MUSK: variants seen among roughly 807,000 people sequenced by gnomAD.
The protein encoded by MUSK is muscle associated receptor tyrosine kinase.
In MUSK, 55 loss-of-function variants were observed where a neutral mutation model predicts 88.7. The ratio of observed to expected loss-of-function variants is 0.62; its 90% CI spans 0.50 to 0.78. MUSK has a LOEUF of 0.78. Ranked by LOEUF, MUSK falls within the 30% of genes least tolerant of loss-of-function variation. The probability of loss-of-function intolerance (pLI) is 0.00; values close to 1 mark genes in which losing one functional copy is unlikely to be tolerated. For missense variants in MUSK, 1,015 were observed against 1,074.3 expected, an observed-to-expected ratio of 0.94 and a Z score of 0.77; for synonymous variants, 387 against 391.9, an observed-to-expected ratio of 0.99 and a Z score of 0.15.
At chr9:110,702,908 TA>T (rs201458336) in intron 5 of MUSK, among the ~76,000 whole-genome samples, 2 of 147,622 alleles carry the variant, frequency 1.4e-5, no homozygotes, top group Non-Finnish European at 3.0e-5. Flanking sequence ...AAAAAAATAA[TA>T]ATAAAAAACC....
At chr9:110,747,378 C>T (rs879622641) in intron 6 of MUSK, among the ~76,000 whole-genome samples, 5 of 152,162 alleles carry the variant, frequency 3.3e-5, no homozygotes, top group Admixed American at 6.5e-5. Flanking sequence ...TGTGCAAGAA[C>T]GTTAGTTTCT....
chr9:110,787,780 T>C lies in MUSK; in HGVS notation c.1869T>C (p.Phe623=), dbSNP rs774011774. 1 of 1,613,786 alleles carries C rather than the reference T, an allele frequency of 6.2e-7. No individual in the cohort carries two copies. Among genetic ancestry groups the C allele is most frequent in the Admixed American group, 1.7e-5 (1 of 59,994 alleles). ...CCTCGGCAGATATGCAAGCGGACTT[T>C]CAGAGGGAGGCAGCCCTCATGGCAG... ...EEASADMQAD[F]QREAALMAEF... is the part of the protein sequence containing the mutation. The change falls in exon 14 of 15, where the codon TTT becomes TTC. Residue 623 remains phenylalanine (F), a synonymous_variant. Coordinates refer to ENST00000374448, the MANE Select transcript of MUSK (RefSeq NM_005592.4).
At chr9:110,724,023 A>G (rs1051798361) in intron 5 of MUSK, among the ~76,000 whole-genome samples, 2 of 151,914 alleles carry the variant, frequency 1.3e-5, no homozygotes, top group Non-Finnish European at 2.9e-5. Flanking sequence ...CTTAAGTGCC[A>G]TCTTCTGATT....
At position 110,803,612 on chromosome 9, in the gene MUSK, T is replaced by A. The variant is rs2078124369; in HGVS notation, c.*2624T>A. Among the ~76,000 whole-genome samples the A allele has an allele frequency of 6.6e-6, 1 of 152,262 alleles. No homozygotes were observed. The highest frequency in any genetic ancestry group is 1.5e-5 in the Non-Finnish European group (1 of 68,048). ...TATATCTATATTTTATTCTATTAAC[T>A]TCCTAAGTCTTTTTAATGAATAGCA... On this transcript the variant is annotated 3_prime_UTR_variant, in exon 15 of 15. Coordinates refer to ENST00000374448, the MANE Select transcript of MUSK (RefSeq NM_005592.4).
At chr9:110,764,220 C>G (rs1228273261) in intron 8 of MUSK, among the ~76,000 whole-genome samples, 1 of 152,208 alleles carries the variant, frequency 6.6e-6, no homozygotes, top group East Asian at 1.9e-4. Context: ...ACAGGACCAG[C>G]TGCTTCTAGT....
chr9:110,800,811 C>T lies in MUSK; in HGVS notation c.2433C>T (p.Val811=), dbSNP rs761652640. Residue 811 remains valine, a synonymous_variant, in exon 15 of 15, where the codon GTC becomes GTT. Coordinates refer to ENST00000374448, the MANE Select transcript of MUSK (RefSeq NM_005592.4). The stretch of plus-strand genomic sequence containing the variant: ...ACTATGGGATGGCCCATGAGGAGGT[C>T]ATTTACTACGTGCGAGATGGCAACA... ...QPYYGMAHEE[V]IYYVRDGNIL... 7 of 1,613,278 alleles carry T rather than the reference C, an allele frequency of 4.3e-6. No individual in the cohort carries two copies. In the African/African-American group the frequency reaches 8.0e-5, roughly 18 times the overall value.
chr9:110,697,441 C>A lies in MUSK; in HGVS notation c.603C>A (p.Ser201=). ...AAAACAGCCTCGGGACAGCATATTCCAAAGTGGTGAAGCTGGAAGTTGAGG... is the reference window on the plus strand; with the variant it reads ...AAAACAGCCTCGGGACAGCATATTCAAAAGTGGTGAAGCTGGAAGTTGAGG... ...VAKNSLGTAY[S]KVVKLEVEVF... The change falls in exon 5 of 15, where the codon TCC becomes TCA. Residue 201 remains serine, a synonymous_variant. Transcript: ENST00000374448. The A allele has an allele frequency of 6.2e-7, 1 of 1,608,092 alleles. No homozygotes were observed. The highest frequency in any genetic ancestry group is 8.5e-7 in the Non-Finnish European group (1 of 1,176,664).
At position 110,785,571 on chromosome 9, in the gene MUSK, T is replaced by C; in HGVS notation, c.1631T>C (p.Leu544Ser). 6.2e-7 allele frequency: 1 copy of C among 1,613,140 alleles called. No homozygotes were observed. The highest frequency in any genetic ancestry group is 8.5e-7 in the Non-Finnish European group (1 of 1,179,446). ...VTLTTLPSEL[L>S]LDRLHPNPMY... ...CTCACCACACTGCCTTCTGAGCTCT[T>C]ACTAGATAGACTTCATCCCAACCCC... is the stretch of plus-strand genomic sequence containing the variant. Residue 544 changes from leucine (L) to serine (S), a missense_variant, in exon 13 of 15, where the codon TTA (leucine) becomes TCA (serine). Leu to Ser is a moderately radical substitution (Grantham distance 145, BLOSUM62 -2). Coordinates refer to ENST00000374448, the MANE Select transcript of MUSK (RefSeq NM_005592.4).
At chr9:110,677,748 G>GT (rs2076050056) in intron 1 of MUSK, among the ~76,000 whole-genome samples, 1 of 152,104 alleles carries the variant, frequency 6.6e-6, no homozygotes, top group Admixed American at 6.5e-5. Context: ...ATCAAGTTCA[G>GT]TGGTTGAGAA....
intron 5 of MUSK, among the ~76,000 whole-genome samples, chr9:110,730,412 TTTAA>T (rs1466871514): frequency 6.6e-6 from 1 of 152,144 alleles, no homozygotes; most frequent in Non-Finnish European, 1.5e-5. Context: ...TATTAAGTGG[TTTAA>T]TTGTTTATGT....
In MUSK at chr9:110,800,381, G is replaced by T. The variant is rs777865246; in HGVS notation, c.2003G>T (p.Arg668Leu). The change falls in exon 15 of 15, where the codon CGC becomes CTC. Residue 668 changes from arginine (R) to leucine (L), a missense_variant. Coordinates refer to ENST00000374448, the MANE Select transcript of MUSK (RefSeq NM_005592.4). Reference protein sequence around the residue: ...MAYGDLNEFLRSMSPHTVCSL... With the variant: ...MAYGDLNEFLLSMSPHTVCSL... ...TATGGTGACCTCAATGAGTTCCTCCGCAGCATGTCCCCTCACACCGTGTGC... is the reference window on the plus strand; with the variant it reads ...TATGGTGACCTCAATGAGTTCCTCCTCAGCATGTCCCCTCACACCGTGTGC... The T allele has an allele frequency of 9.9e-6, 16 of 1,613,654 alleles. No homozygotes were observed. Among genetic ancestry groups the T allele is most frequent in the Non-Finnish European group, 8.5e-7 (1 of 1,179,864 alleles).
chr9:110,762,619 T>G (rs1226053990), intron 8 of MUSK, among the ~76,000 whole-genome samples: 2 of 152,094 alleles, frequency 1.3e-5, no homozygotes, highest in Non-Finnish European at 2.9e-5. Context: ...AGAGTTCAAG[T>G]GGCTTACACA....
chr9:110,685,252 G>A (rs1024995704), intron 2 of MUSK, among the ~76,000 whole-genome samples: 1 of 152,034 alleles, frequency 6.6e-6, no homozygotes, highest in African/African-American at 2.4e-5. Flanking sequence ...TTGATATGAT[G>A]TATCACATTG....
intron 14 of MUSK, among the ~76,000 whole-genome samples, chr9:110,797,300 A>C (rs1415137657): frequency 6.6e-6 from 1 of 152,012 alleles, no homozygotes; most frequent in Non-Finnish European, 1.5e-5. Context: ...AACAAAAAAA[A>C]AGTTTCAGTG....
At chr9:110,737,470 T>G (rs1423812254) in intron 6 of MUSK, among the ~76,000 whole-genome samples, 1 of 152,090 alleles carries the variant, frequency 6.6e-6, no homozygotes. Context: ...CTTTTTTGTT[T>G]AATTTTTTAA....
chr9:110,707,837 G>T (rs1181245809), intron 5 of MUSK, among the ~76,000 whole-genome samples: 1 of 152,112 alleles, frequency 6.6e-6, no homozygotes, highest in Non-Finnish European at 1.5e-5. Flanking sequence ...TTGTCAAAAC[G>T]TGGAGAGGCA....
chr9:110,723,899 C>T (rs2076849498), intron 5 of MUSK, among the ~76,000 whole-genome samples: 1 of 152,036 alleles, frequency 6.6e-6, no homozygotes, highest in African/African-American at 2.4e-5. Flanking sequence ...CTCTTCTCTA[C>T]TGCTCACACT....
chr9:110,688,454 T>A (rs2076226271), intron 3 of MUSK, among the ~76,000 whole-genome samples: 1 of 152,120 alleles, frequency 6.6e-6, no homozygotes, highest in South Asian at 2.1e-4. Context: ...TAGTTTCATT[T>A]TATTTTTTTA....
chr9:110,733,025 T>G (rs886452037), intron 5 of MUSK, among the ~76,000 whole-genome samples: 1 of 152,138 alleles, frequency 6.6e-6, no homozygotes, highest in African/African-American at 2.4e-5. Context: ...ATGTAGCACA[T>G]GTGGTCTCCC....
Sources: gnomAD v4.1 joint callset for allele counts (sites outside exome capture counted in the v4.1 genomes callset) on GRCh38, gnomAD v4.1.1 for gene constraint, MANE v1.5 for transcripts, NCBI Gene and HGNC (gene_info 2026-07-23, HGNC 2026-07-21) for gene names.